Variants in SPTBN5 observed in about 807,000 individuals in gnomAD.
The protein encoded by SPTBN5 is spectrin beta, non-erythrocytic 5, also known as spectrin beta chain, non-erythrocytic 5.
In SPTBN5, 513 loss-of-function variants were observed where a neutral mutation model predicts 477.6. The ratio of observed to expected loss-of-function variants is 1.07; its 90% CI spans 1.00 to 1.16. SPTBN5 has a LOEUF of 1.16. SPTBN5 is among the 50% of genes most tolerant of loss of function. SPTBN5 has a pLI of 0.00. For missense variants in SPTBN5, 5,062 were observed against 4,731.8 expected, an observed-to-expected ratio of 1.07 and a Z score of -2.05; for synonymous variants, 2,169 against 2,011.7, an observed-to-expected ratio of 1.08 and a Z score of -2.09.
chr15:41,881,209 C>T lies in SPTBN5; in HGVS notation c.2483G>A (p.Gly828Glu). Residue 828 changes from glycine (G) to glutamate (E), a missense_variant, in exon 13 of 68, where the codon GGA (glycine) becomes GAA (glutamate). Transcript: ENST00000320955. ...FTVNSALSPPGESLRNPGPWS... is the reference protein window; with the variant it reads ...FTVNSALSPPEESLRNPGPWS... ...GGGCCCTGGGTTCCTCAGGCTTTCT[C>T]CTGGAGGGCTCAGGGCAGAGTTCAC... The T allele has an allele frequency of 6.2e-7, 1 of 1,611,670 alleles. No homozygotes were observed.
chr15:41,854,888 G>A lies in SPTBN5; in HGVS notation c.9512C>T (p.Thr3171Ile). The A allele has an allele frequency of 6.2e-7, 1 of 1,609,444 alleles. No individual in the cohort carries two copies. The highest frequency in any genetic ancestry group is 2.2e-5 in the East Asian group (1 of 44,724). ...KVYALRKLAG[T>I]LERGAPRRYP... ...GCGCCTGGGTGCACCCCGCTCCAGG[G>A]TGCCTGCCAACTTCCTCAGGGCATA... The change falls in exon 56 of 68, where the codon ACC (threonine) becomes ATC (isoleucine). Residue 3171 changes from threonine to isoleucine, a missense_variant. Thr to Ile is a moderately conservative substitution (Grantham distance 89). Transcript: ENST00000320955.
intron 67 of SPTBN5, among the ~76,000 whole-genome samples, chr15:41,849,393 CAG>C (rs1430738895): frequency 6.6e-6 from 1 of 152,178 alleles, no homozygotes; most frequent in Non-Finnish European, 1.5e-5. Context: ...TTGGGGAAAG[CAG>C]GGGAGGACCA....
Position 41,874,336 on chromosome 15 carries a change from T to C in SPTBN5, c.4645A>G (p.Thr1549Ala). ...CTCTGGGCACCATTCAAGCACTCGG[T>C]ATAGCTGGTGGGGCTGCCATGGGGC... ...HMPHGSPTSY[T>A]ECLNGAQSLH... The change falls in exon 24 of 68, where the codon ACC becomes GCC. Residue 1549 changes from threonine to alanine, a missense_variant. By Grantham distance (58) the Thr-to-Ala change is moderately conservative (BLOSUM62 0). Transcript: ENST00000320955. 6.2e-7 allele frequency: 1 copy of C among 1,613,850 alleles called. No individual in the cohort carries two copies. Among genetic ancestry groups the C allele is most frequent in the Non-Finnish European group, 8.5e-7 (1 of 1,179,868 alleles).
Position 41,879,796 on chromosome 15 carries a change from C to T in SPTBN5, c.2880G>A (p.Leu960=), listed in dbSNP as rs1418383133. The T allele has an allele frequency of 1.2e-6, 2 of 1,613,888 alleles. No homozygotes were observed. Among genetic ancestry groups the T allele is most frequent in the South Asian group, 1.1e-5 (1 of 91,088 alleles). ...WAEVSSSAEQ[L]RQRYPGNSTQ... is the part of the protein sequence containing the mutation. ...TGGAGTTCCCAGGATATCTCTGCCT[C>T]AGTTGCTCAGCAGAGCTGCTGACCT... The change falls in exon 15 of 68, where the codon CTG becomes CTA. Residue 960 remains leucine (L), a synonymous_variant. Transcript: ENST00000320955.
At position 41,881,162 on chromosome 15, in the gene SPTBN5, G is replaced by A; in HGVS notation, c.2530C>T (p.Pro844Ser). The A allele has an allele frequency of 6.2e-7, 1 of 1,613,536 alleles. No homozygotes were observed. The highest frequency in any genetic ancestry group is 8.5e-7 in the Non-Finnish European group (1 of 1,179,848). ...ATCTTCCAGGCATCCCCAGGGCCAGGGTGGCAGGAAGCCTCACTCCAGGGC... is the reference window on the plus strand; with the variant it reads ...ATCTTCCAGGCATCCCCAGGGCCAGAGTGGCAGGAAGCCTCACTCCAGGGC... ...PGPWSEASCH[P>S]GPGDAWKMAL... is the part of the protein sequence containing the mutation. The change falls in exon 13 of 68, where the codon CCT (proline) becomes TCT (serine). Residue 844 changes from proline (P) to serine (S), a missense_variant. Pro to Ser is a moderately conservative substitution (Grantham distance 74, BLOSUM62 -1). Transcript: ENST00000320955.
In SPTBN5 at chr15:41,870,426, G is replaced by C; in HGVS notation, c.5562+20C>G. ...TGAGCCTGGAGTGTATCCACTTCTA[G>C]CCACCCCTCCGGCTCACACCTGGAC... On this transcript the variant is annotated intron_variant, in intron 30 of 67. Coordinates refer to ENST00000320955, the MANE Select transcript of SPTBN5 (RefSeq NM_016642.4). 6.2e-7 allele frequency: 1 copy of C among 1,612,400 alleles called. No individual in the cohort carries two copies. The highest frequency in any genetic ancestry group is 8.5e-7 in the Non-Finnish European group (1 of 1,178,960).
At position 41,885,861 on chromosome 15, in the gene SPTBN5, G is replaced by A; in HGVS notation, c.1394C>T (p.Ala465Val). 2 of 1,573,674 alleles carry A rather than the reference G, an allele frequency of 1.3e-6. No individual in the cohort carries two copies. The highest frequency in any genetic ancestry group is 2.4e-5 in the East Asian group (1 of 42,548). Residue 465 changes from alanine (A) to valine (V), a missense_variant, in exon 7 of 68, where the codon GCC becomes GTC. Physicochemically the swap from Ala to Val is moderately conservative, Grantham distance 64 (BLOSUM62 0). Transcript: ENST00000320955. ...PPASLATVEA[A>V]VQRLGMLEAG... ...CTCCAGCATGCCCAGCCTCTGGACG[G>A]CTGCCTCCACTGTGGCCAGGCTGGC...
chr15:41,873,434 C>T, intron 26 of SPTBN5, 58 bp downstream of exon 26: 1 of 1,318,110 alleles, frequency 7.6e-7, no homozygotes, highest in Non-Finnish European at 1.1e-6. Flanking sequence ...TGACAGCCCT[C>T]TCCCCGTGGT....
chr15:41,861,284 A>G (rs916813931), intron 46 of SPTBN5, 135 bp downstream of exon 46: 41 of 743,766 alleles, frequency 5.5e-5, no homozygotes, highest in South Asian at 3.3e-5. Context: ...CCAGTGACGG[A>G]TGTGGCCCAG....
intron 3 of SPTBN5, among the ~76,000 whole-genome samples, chr15:41,890,631 C>A (rs138295620): frequency 6.6e-6 from 1 of 152,346 alleles, no homozygotes; most frequent in Non-Finnish European, 1.5e-5. Flanking sequence ...GTGGCTGGGT[C>A]CCTGGGCTCA....
rs757296082 is a variant in SPTBN5, at chr15:41,882,412, C to T, written c.2104G>A (p.Gly702Arg). The change falls in exon 11 of 68, where the codon GGA (glycine) becomes AGA (arginine). Residue 702 changes from glycine to arginine, a missense_variant. Transcript: ENST00000320955. ...QAVCVDLVRR[G>R]RDLSARRPPT... ...GGCCTGCGGGCGCTGAGGTCGCGTC[C>T]CCTCCGCACGAGATCTACGCACACG... is the stretch of plus-strand genomic sequence containing the variant. The T allele has an allele frequency of 3.2e-6, 5 of 1,540,212 alleles. No homozygotes were observed. Among genetic ancestry groups the T allele is most frequent in the South Asian group, 2.4e-5 (2 of 84,236 alleles).
rs761596222 is a variant in SPTBN5, at chr15:41,857,488, G to A, written c.8371C>T (p.Arg2791Cys). The A allele has an allele frequency of 3.1e-5, 50 of 1,607,766 alleles. No homozygotes were observed. Among genetic ancestry groups the A allele is most frequent in the Middle Eastern group, 1.6e-4 (1 of 6,072 alleles). The stretch of plus-strand genomic sequence containing the variant: ...AGTTCCTCCATGCTCCGCCGCAGAC[G>A]CAGGGCCTAGGGTAGAAAGTGAGGT... The part of the protein sequence containing the change: ...AKLQKACEAL[R>C]LRRSMEELEN... The change falls in exon 51 of 68, where the codon CGT becomes TGT. Residue 2791 changes from arginine to cysteine, a missense_variant. Transcript: ENST00000320955.
At position 41,852,974 on chromosome 15, in the gene SPTBN5, T is replaced by C; in HGVS notation, c.10197A>G (p.Glu3399=). The part of the protein sequence containing the change: ...AEVTECLQEL[E]GRLQELEEAW... ...CCTCCTCCAGCTCCTGCAGCCGCCC[T>C]TCCAGCTCCTGCAGGCACTCTGTCA... The change falls in exon 60 of 68, where the codon GAA becomes GAG. Residue 3399 remains glutamate, a synonymous_variant. Transcript: ENST00000320955. 6.4e-7 allele frequency: 1 copy of C among 1,557,070 alleles called. No homozygotes were observed. The highest frequency in any genetic ancestry group is 1.4e-5 in the African/African-American group (1 of 73,492).
intron 17 of SPTBN5, among the ~76,000 whole-genome samples, chr15:41,877,582 C>T (rs901059640): frequency 2.6e-5 from 4 of 152,250 alleles, no homozygotes; most frequent in Admixed American, 6.5e-5. Context: ...AGAGGACATG[C>T]GGAGGCAGCA....
chr15:41,849,079 G>A (rs866063426), intron 67 of SPTBN5, among the ~76,000 whole-genome samples: 6 of 152,194 alleles, frequency 3.9e-5, no homozygotes, highest in Admixed American at 1.3e-4. Flanking sequence ...CTGTATATGC[G>A]TGTGCACATC....
At chr15:41,849,781 C>G (rs935381567) in intron 67 of SPTBN5, 88 bp downstream of exon 67, 2 of 1,036,088 alleles carry the variant, frequency 1.9e-6, no homozygotes, top group Non-Finnish European at 2.9e-6. Flanking sequence ...AAGTCTGAGG[C>G]CCAGAACCTC....
At position 41,867,084 on chromosome 15, in the gene SPTBN5, G is replaced by T. The variant is rs1032569168; in HGVS notation, c.6355C>A (p.Arg2119=). ...AGGATGGGAAGCCGGTCCCGCACCC[G>T]GGGGCGCCGGAGCGTCTTCAGCCGC... ...RERLKTLRRP[R]VRDRLPILLQ... The change falls in exon 36 of 68, where the codon CGG becomes AGG. Residue 2119 remains arginine, a synonymous_variant. Transcript: ENST00000320955. The T allele has an allele frequency of 1.3e-6, 2 of 1,544,802 alleles. No homozygotes were observed. The highest frequency in any genetic ancestry group is 1.4e-5 in the African/African-American group (1 of 73,008).
chr15:41,871,785 G>C lies in SPTBN5; in HGVS notation c.5298C>G (p.Ala1766=), dbSNP rs940792663. 6.3e-7 allele frequency: 1 copy of C among 1,583,812 alleles called. No individual in the cohort carries two copies. Among genetic ancestry groups the C allele is most frequent in the East Asian group, 2.3e-5 (1 of 43,262 alleles). ...TTGACCCTGGCCCTCTTCTCACCAG[G>C]GCGTGCTCGGGGTCCTCTCCCAGGC... ...GESLGEDPEH[A]LHLCTKFAKF... Residue 1766 remains alanine (A), a synonymous_variant, in exon 28 of 68, where the codon GCC becomes GCG. Coordinates refer to ENST00000320955, the MANE Select transcript of SPTBN5 (RefSeq NM_016642.4).
chr15:41,868,042 G>A (rs754971224), intron 34 of SPTBN5, 27 bp downstream of exon 34: 49 of 1,581,774 alleles, frequency 3.1e-5, no homozygotes, highest in South Asian at 1.1e-4. Flanking sequence ...GAGGCTGAGC[G>A]GAGTGTGAGG....
Sources: gnomAD v4.1 joint callset for allele counts (sites outside exome capture counted in the v4.1 genomes callset) on GRCh38, gnomAD v4.1.1 for gene constraint, MANE v1.5 for transcripts, NCBI Gene and HGNC (gene_info 2026-07-23, HGNC 2026-07-21) for gene names.